B3GLCT: variants seen among roughly 807,000 people sequenced by gnomAD.
The protein encoded by B3GLCT is beta-1,3-glucosyltransferase.
In B3GLCT, 65 loss-of-function variants were observed where a neutral mutation model predicts 63.4. That is an observed-to-expected ratio of 1.03 (90% confidence interval 0.84 to 1.26). B3GLCT has a LOEUF of 1.26. B3GLCT is among the 50% of genes most tolerant of loss of function. The pLI is 0.00. For synonymous variants in B3GLCT, 233 were observed against 219.2 expected (o/e 1.06, Z -0.55); for missense variants, 577 against 604.8 (o/e 0.95, Z 0.48).
intron 4 of B3GLCT, among the ~76,000 whole-genome samples, chr13:31,232,075 T>G (rs1415513637): frequency 6.6e-6 from 1 of 152,222 alleles, no homozygotes; most frequent in African/African-American, 2.4e-5. Context: ...CCTCCATTGC[T>G]TGTTACCTTG....
intron 14 of B3GLCT, among the ~76,000 whole-genome samples, chr13:31,328,740 A>G (rs1459993819): frequency 2.7e-5 from 4 of 150,154 alleles, no homozygotes; most frequent in Non-Finnish European, 5.9e-5. Flanking sequence ...GAAACTGGAT[A>G]CTTTGCTTAG....
At position 31,219,618 on chromosome 13, in the gene B3GLCT, C is replaced by T. The variant is rs531303414; in HGVS notation, c.121-3334C>T. Among the ~76,000 whole-genome samples, 21 of 152,284 alleles carry T rather than the reference C, an allele frequency of 1.4e-4. No homozygotes were observed. The East Asian group carries it at 2.5e-3, about 18-fold the overall frequency. On this transcript the variant is annotated intron_variant, in intron 2 of 14. Transcript: ENST00000343307. ...GCCAGTTGTGGGGCTTAGTGAACCT[C>T]GCTGTGCTCAGCCTCCTCATCTGTA...
At chr13:31,204,869 G>A (rs1169410798) in intron 1 of B3GLCT, among the ~76,000 whole-genome samples, 1 of 152,170 alleles carries the variant, frequency 6.6e-6, no homozygotes, top group Non-Finnish European at 1.5e-5. Context: ...ATACATTTCT[G>A]TCACATCCAC....
At chr13:31,329,007 G>C (rs1427124111) in intron 14 of B3GLCT, among the ~76,000 whole-genome samples, 1 of 152,084 alleles carries the variant, frequency 6.6e-6, no homozygotes, top group African/African-American at 2.4e-5. Context: ...TCCTCCTCCC[G>C]AGTGAGCTCC....
chr13:31,229,439 A>G, intron 4 of B3GLCT, 145 bp downstream of exon 4: 1 of 697,494 alleles, frequency 1.4e-6, no homozygotes, highest in Non-Finnish European at 2.6e-6. Context: ...AATATTGAGT[A>G]TTTGTTGTTG....
intron 1 of B3GLCT, among the ~76,000 whole-genome samples, chr13:31,203,523 G>T (rs1211192261): frequency 6.6e-6 from 1 of 152,208 alleles, no homozygotes; most frequent in Non-Finnish European, 1.5e-5. Context: ...CGGTATTTGA[G>T]CACTTCCTTA....
intron 4 of B3GLCT, among the ~76,000 whole-genome samples, chr13:31,237,853 A>T (rs922902785): frequency 1.3e-5 from 2 of 152,152 alleles, no homozygotes; most frequent in African/African-American, 2.4e-5. Context: ...AAGGGACGGG[A>T]TGTCTGGGAC....
Position 31,247,973 on chromosome 13 carries a change from A to G in B3GLCT, c.459+7A>G, listed in dbSNP as rs376755630. On this transcript the variant is annotated splice_region_variant and intron_variant, in intron 6 of 14. Coordinates refer to ENST00000343307, the MANE Select transcript of B3GLCT (RefSeq NM_194318.4). The stretch of plus-strand genomic sequence containing the variant: ...AAGATATGACCCCTCTAAGGTGAAT[A>G]TAACTTCAATACCAGTTCTTATTTT... The G allele has an allele frequency of 6.5e-6, 9 of 1,381,422 alleles. No individual in the cohort carries two copies. The highest frequency in any genetic ancestry group is 7.2e-6 in the Non-Finnish European group (7 of 968,056). The allele number at this position is 1,381,422 out of a possible 1,614,324, so 85.6% of individuals were successfully genotyped here. A position where few individuals can be genotyped will look rare whatever the true frequency, so the allele number is the denominator to read the frequency against.
intron 12 of B3GLCT, among the ~76,000 whole-genome samples, chr13:31,299,522 C>A (rs1874123418): frequency 6.6e-6 from 1 of 152,148 alleles, no homozygotes; most frequent in Non-Finnish European, 1.5e-5. Context: ...TCTGTATTGC[C>A]AGCTTTGTTT....
intron 12 of B3GLCT, among the ~76,000 whole-genome samples, chr13:31,316,959 A>G (rs1480351669): frequency 6.6e-6 from 1 of 152,200 alleles, no homozygotes; most frequent in Admixed American, 6.5e-5. Flanking sequence ...ATTCAAAAGT[A>G]TAAGCAATTA....
At chr13:31,288,169 G>A (rs1167460925) in intron 12 of B3GLCT, among the ~76,000 whole-genome samples, 2 of 152,102 alleles carry the variant, frequency 1.3e-5, no homozygotes, top group Non-Finnish European at 2.9e-5. Context: ...GCAGAGAACA[G>A]CCACCTCCAG....
At chr13:31,276,607 G>T in intron 9 of B3GLCT, 95 bp from the exon 10 acceptor site, 1 of 803,506 alleles carries the variant, frequency 1.2e-6, no homozygotes, top group Non-Finnish European at 2.2e-6. Flanking sequence ...CCTTGACATT[G>T]GTTAATTTGA....
chr13:31,230,794 G>A (rs908866387), intron 4 of B3GLCT, among the ~76,000 whole-genome samples: 1 of 152,090 alleles, frequency 6.6e-6, no homozygotes, highest in East Asian at 1.9e-4. Context: ...TGGATCATGA[G>A]GTTGAGAGAT....
At chr13:31,245,429 A>G (rs570060299) in intron 4 of B3GLCT, among the ~76,000 whole-genome samples, 4 of 152,290 alleles carry the variant, frequency 2.6e-5, no homozygotes, top group African/African-American at 9.6e-5. Context: ...TTTTTAAAGC[A>G]TATATCTCAT....
At position 31,326,090 on chromosome 13, in the gene B3GLCT, G is replaced by A. The variant is rs75378187; in HGVS notation, c.1329+2195G>A. On this transcript the variant is annotated intron_variant, in intron 14 of 14. Transcript: ENST00000343307. ...GGTTGCTCAACTCTGGAAATTTCCC[G>A]AAAAGTTTTAGACCACCGTTATGGT... Among the ~76,000 whole-genome samples the A allele has an allele frequency of 5.3e-3, 809 of 152,128 alleles. 10 individuals carry two copies. Among genetic ancestry groups the A allele is most frequent in the African/African-American group, 0.019 (774 of 41,486 alleles).
At chr13:31,221,738 G>A (rs186917905) in intron 2 of B3GLCT, among the ~76,000 whole-genome samples, 49 of 152,302 alleles carry the variant, frequency 3.2e-4, no homozygotes, top group African/African-American at 1.1e-3. Context: ...CTTTTAAGCC[G>A]CTCCCAATTT....
At chr13:31,328,100 G>T (rs1332104842) in intron 14 of B3GLCT, among the ~76,000 whole-genome samples, 1 of 152,106 alleles carries the variant, frequency 6.6e-6, no homozygotes, top group Admixed American at 6.5e-5. Context: ...TGTTACTTCT[G>T]GGAGCTCTGG....
chr13:31,300,830 T>TA (rs1048873635), intron 12 of B3GLCT, among the ~76,000 whole-genome samples: 2 of 152,156 alleles, frequency 1.3e-5, no homozygotes, highest in Non-Finnish European at 2.9e-5. Flanking sequence ...TAAGGGATGA[T>TA]AAAAAATACA....
intron 12 of B3GLCT, among the ~76,000 whole-genome samples, chr13:31,315,176 A>G (rs1021444038): frequency 1.3e-5 from 2 of 152,216 alleles, no homozygotes; most frequent in African/African-American, 4.8e-5. Flanking sequence ...TGCTGAAAAG[A>G]TACTCAAATA....
Sources: allele counts gnomAD v4.1 joint callset (sites outside exome capture counted in the v4.1 genomes callset), GRCh38; gene constraint gnomAD v4.1.1; transcripts MANE v1.5; gene names NCBI Gene and HGNC (gene_info 2026-07-23, HGNC 2026-07-21).